Variants in RAB18 observed in about 807,000 individuals in gnomAD.
The protein encoded by RAB18 is ras-related protein Rab-18.
RAB18 carries 10 observed loss-of-function variants against 28.5 expected under a neutral mutation model. The ratio of observed to expected loss-of-function variants is 0.35; its 90% CI spans 0.22 to 0.60. The LOEUF (loss-of-function observed/expected upper bound fraction) is 0.60, where lower values mean the gene tolerates loss of function less well. RAB18 is among the 20% of genes least tolerant of loss of function. The probability of loss-of-function intolerance (pLI) is 0.78; values close to 1 mark genes in which losing one functional copy is unlikely to be tolerated. For missense variants in RAB18, 188 were observed against 244.2 expected, an observed-to-expected ratio of 0.77 and a Z score of 1.53; for synonymous variants, 93 against 86.9, an observed-to-expected ratio of 1.07 and a Z score of -0.39.
rs996766163 is a variant in RAB18, at chr10:27,541,040, G to A, written c.*2989G>A. The A allele has an allele frequency of 1.5e-5, 7 of 452,540 alleles. No individual in the cohort carries two copies. The highest frequency in any genetic ancestry group is 2.7e-5 in the Non-Finnish European group (6 of 226,212). The allele number at this position is 452,540 out of a possible 1,614,324, so 28.0% of individuals were successfully genotyped here. ...TTCAAATGAACTCAACAATTCTTCAGGTATTATAGATCAGAGATCCTCTCC... is the reference window on the plus strand; with the variant it reads ...TTCAAATGAACTCAACAATTCTTCAAGTATTATAGATCAGAGATCCTCTCC... On this transcript the variant is annotated 3_prime_UTR_variant, in exon 7 of 7. Coordinates refer to ENST00000356940, the MANE Select transcript of RAB18 (RefSeq NM_021252.5).
At chr10:27,507,603 A>T (rs1193082462) in intron 1 of RAB18, among the ~76,000 whole-genome samples, 5 of 143,166 alleles carry the variant, frequency 3.5e-5, no homozygotes, top group Non-Finnish European at 7.5e-5. Context: ...CAGATTAGTT[A>T]TAATCACACT....
At chr10:27,525,852 A>G (rs1834661426) in intron 2 of RAB18, among the ~76,000 whole-genome samples, 1 of 152,240 alleles carries the variant, frequency 6.6e-6, no homozygotes, top group African/African-American at 2.4e-5. Context: ...CAGGTGTTCT[A>G]TTAAGCATTT....
chr10:27,533,322 TAAAC>T (rs1213556007), intron 4 of RAB18, among the ~76,000 whole-genome samples: 29 of 152,042 alleles, frequency 1.9e-4, no homozygotes, highest in Non-Finnish European at 2.6e-4. Flanking sequence ...GTTCTTGTAA[TAAAC>T]AAATTAATGG....
intron 2 of RAB18, among the ~76,000 whole-genome samples, chr10:27,523,265 C>CTT (rs34006982): frequency 0.015 from 1,174 of 79,164 alleles, 12 homozygotes; most frequent in Non-Finnish European, 0.02. Flanking sequence ...TTTTCTTCTT[C>CTT]TTTTTTTTTT....
chr10:27,531,518 CT>C, intron 3 of RAB18: 1 of 1,537,148 alleles, frequency 6.5e-7, no homozygotes. Flanking sequence ...TTTACTTTTA[CT>C]TTTCTTTAGG....
In RAB18 at chr10:27,540,382, C is replaced by A. The variant is rs774656745; in HGVS notation, c.*2331C>A. 2 of 453,946 alleles carry A rather than the reference C, an allele frequency of 4.4e-6. No homozygotes were observed. The highest frequency in any genetic ancestry group is 8.8e-6 in the Non-Finnish European group (2 of 226,776). The allele number at this position is 453,946 out of a possible 1,614,324, so 28.1% of individuals were successfully genotyped here. A position where few individuals can be genotyped will look rare whatever the true frequency, so the allele number is the denominator to read the frequency against. Reference sequence around the variant, plus strand: ...CAGTCATGGCATTTTTACTTCTGAGCCCATACTCTTCACCATCGCTCATTT... The same window carrying A: ...CAGTCATGGCATTTTTACTTCTGAGACCATACTCTTCACCATCGCTCATTT... On this transcript the variant is annotated 3_prime_UTR_variant, in exon 7 of 7. Transcript: ENST00000356940.
At chr10:27,523,235 T>C (rs1834597314) in intron 2 of RAB18, among the ~76,000 whole-genome samples, 1 of 150,306 alleles carries the variant, frequency 6.7e-6, no homozygotes, top group Admixed American at 6.6e-5. Flanking sequence ...TAGAACAATT[T>C]CATTATGATG....
chr10:27,515,688 C>T (rs1208123676), intron 2 of RAB18, among the ~76,000 whole-genome samples: 3 of 151,664 alleles, frequency 2.0e-5, no homozygotes, highest in Non-Finnish European at 4.4e-5. Flanking sequence ...AAGCTGTGAT[C>T]GTACCACTGT....
Position 27,534,012 on chromosome 10 carries a change from T to C in RAB18, c.445+18T>C. The stretch of plus-strand genomic sequence containing the variant: ...ATTTATAGGTAGGTGTGTGAATGAA[T>C]ATCTGTCCTTTCATTATTAATGAGG... On this transcript the variant is annotated intron_variant, in intron 6 of 6. Transcript: ENST00000356940. 6.4e-7 allele frequency: 1 copy of C among 1,567,452 alleles called. No individual in the cohort carries two copies. The highest frequency in any genetic ancestry group is 8.8e-7 in the Non-Finnish European group (1 of 1,137,768).
rs1329118630 is a variant in RAB18, at chr10:27,542,041, G to A, written c.*3990G>A. The A allele has an allele frequency of 2.2e-6, 1 of 453,998 alleles. No individual in the cohort carries two copies. The highest frequency in any genetic ancestry group is 4.4e-6 in the Non-Finnish European group (1 of 226,798). The allele number at this position is 453,998 out of a possible 1,614,324, so 28.1% of individuals were successfully genotyped here. On this transcript the variant is annotated 3_prime_UTR_variant, in exon 7 of 7. Coordinates refer to ENST00000356940, the MANE Select transcript of RAB18 (RefSeq NM_021252.5). ...AATTGAAGACATCTTGTTGGAGATA[G>A]TGTGCTGGGAGGAGTCACATTCTGA...
At chr10:27,517,226 G>C (rs539338359) in intron 2 of RAB18, among the ~76,000 whole-genome samples, 1 of 152,064 alleles carries the variant, frequency 6.6e-6, no homozygotes, top group African/African-American at 2.4e-5. Context: ...AGCCAGGCAT[G>C]GTGGCTCACA....
intron 2 of RAB18, among the ~76,000 whole-genome samples, chr10:27,520,806 A>T (rs1252677520): frequency 6.7e-6 from 1 of 149,504 alleles, no homozygotes; most frequent in Admixed American, 6.7e-5. Context: ...AATCCCAGCT[A>T]CTAGGGAGGC....
intron 1 of RAB18, among the ~76,000 whole-genome samples, chr10:27,507,654 G>A (rs1049387531): frequency 1.3e-5 from 2 of 151,444 alleles, no homozygotes; most frequent in Non-Finnish European, 2.9e-5. Flanking sequence ...TGCCATGGTG[G>A]TAGTTACTCC....
chr10:27,522,963 G>C (rs1302017254), intron 2 of RAB18, among the ~76,000 whole-genome samples: 1 of 151,818 alleles, frequency 6.6e-6, no homozygotes, highest in East Asian at 1.9e-4. Context: ...GCAACTTTTG[G>C]ATTCATTGAT....
chr10:27,516,799 A>G (rs1375667668), intron 2 of RAB18, among the ~76,000 whole-genome samples: 2 of 152,202 alleles, frequency 1.3e-5, no homozygotes, highest in African/African-American at 4.8e-5. Context: ...GCCTGGGTCC[A>G]CTTCTCTTAA....
Position 27,537,905 on chromosome 10 carries a change from C to T in RAB18, c.475C>T (p.Gln159Ter). The T allele has an allele frequency of 6.2e-7, 1 of 1,614,084 alleles. No individual in the cohort carries two copies. The highest frequency in any genetic ancestry group is 8.5e-7 in the Non-Finnish European group (1 of 1,180,014). Residue 159 changes from glutamine to a stop codon, truncating the protein, a stop_gained, in exon 7 of 7, where the codon CAA becomes TAA. Transcript: ENST00000356940. LOFTEE classifies it high-confidence loss of function. ...AAGTGCAAAAACCTGTGATGGTGTA[C>T]AATGTGCCTTTGAAGAACTTGTTGA... ...EASAKTCDGV[Q>*]CAFEELVEKI...
At position 27,509,931 on chromosome 10, in the gene RAB18, G is replaced by A; in HGVS notation, c.124+1G>A. On this transcript the variant is annotated splice_donor_variant, in intron 2 of 6. Coordinates refer to ENST00000356940, the MANE Select transcript of RAB18 (RefSeq NM_021252.5). LOFTEE classifies it high-confidence loss of function. ...GATCCAGAACTTGCAGCAACAATAG[G>A]TAAGCCTGTGTTTAAAAATTCTATA... 2 of 1,607,696 alleles carry A rather than the reference G, an allele frequency of 1.2e-6. No individual in the cohort carries two copies. The highest frequency in any genetic ancestry group is 1.1e-5 in the South Asian group (1 of 90,948).
rs965040303 is a variant in RAB18 at position 27,519,301 on chromosome 10, G to A, written c.125-7527G>A. Among the ~76,000 whole-genome samples the A allele has an allele frequency of 3.3e-5, 5 of 151,994 alleles. No homozygotes were observed. In the South Asian group the frequency reaches 1.0e-3, roughly 31 times the overall value. Reference sequence around the variant, plus strand: ...GACTGTGAATAGAAACCTGATAAAGGATATCTATAAAAAACATACAACTAA... The same window carrying A: ...GACTGTGAATAGAAACCTGATAAAGAATATCTATAAAAAACATACAACTAA... On this transcript the variant is annotated intron_variant, in intron 2 of 6. Coordinates refer to ENST00000356940, the MANE Select transcript of RAB18 (RefSeq NM_021252.5).
At chr10:27,523,265 CTTTTT>C (rs34006982) in intron 2 of RAB18, among the ~76,000 whole-genome samples, 54 of 79,524 alleles carry the variant, frequency 6.8e-4, no homozygotes, top group African/African-American at 2.7e-3. Context: ...TTTTCTTCTT[CTTTTT>C]TTTTTTTTTT....
Sources: allele counts gnomAD v4.1 joint callset (sites outside exome capture counted in the v4.1 genomes callset), GRCh38; gene constraint gnomAD v4.1.1; transcripts MANE v1.5; gene names NCBI Gene and HGNC (gene_info 2026-07-23, HGNC 2026-07-21).